Variants in RLIG1 observed in about 807,000 individuals in gnomAD.
RLIG1 encodes RNA ligase 1.
the RLIG1 span, chr12:88,048,934 G>A: frequency 3.5e-6 from 1 of 289,490 alleles, no homozygotes; most frequent in Non-Finnish European, 6.3e-6. Flanking sequence ...AAAACTTAAA[G>A]CATTATGAAT....
chr12:88,045,844 C>A, the RLIG1 span: 2 of 1,339,854 alleles, frequency 1.5e-6, no homozygotes, highest in South Asian at 2.6e-5. Flanking sequence ...CTTTCTAGGT[C>A]AACTTAAAAA....
At chr12:88,046,108 T>C in the RLIG1 span, among the ~76,000 whole-genome samples, 3 of 152,170 alleles carry the variant, frequency 2.0e-5, no homozygotes, top group Non-Finnish European at 4.4e-5. Context: ...TCATGGTTAT[T>C]ATAGCATCAA....
chr12:88,035,552 C>CTGAGCCG, the RLIG1 span: 53 of 1,305,194 alleles, frequency 4.1e-5, no homozygotes, highest in Non-Finnish European at 5.2e-5. Context: ...TGTGCGTGGC[C>CTGAGCCG]TGAGCCGTGC....
At chr12:88,046,899 G>A in the RLIG1 span, 2 of 1,612,672 alleles carry the variant, frequency 1.2e-6, no homozygotes, top group African/African-American at 1.3e-5. Flanking sequence ...CAATGATCTC[G>A]TGTCCTGGTT....
At chr12:88,039,756 A>G in the RLIG1 span, among the ~76,000 whole-genome samples, 1 of 152,112 alleles carries the variant, frequency 6.6e-6, no homozygotes, top group East Asian at 1.9e-4. Context: ...TTAAAATGCA[A>G]GTTTCACCCA....
At chr12:88,041,358 G>T in the RLIG1 span, among the ~76,000 whole-genome samples, 1 of 152,176 alleles carries the variant, frequency 6.6e-6, no homozygotes, top group African/African-American at 2.4e-5. Context: ...TTGCTGGACA[G>T]TTGGGTTGCT....
the RLIG1 span, among the ~76,000 whole-genome samples, chr12:88,038,654 ACTTTC>A: frequency 6.6e-6 from 1 of 152,202 alleles, no homozygotes; most frequent in Admixed American, 6.5e-5. Context: ...ATCGGGGTGA[ACTTTC>A]CTTTCAGGCA....
chr12:88,035,562 C>G, the RLIG1 span: 1 of 1,365,572 alleles, frequency 7.3e-7, no homozygotes. Flanking sequence ...CTGAGCCGTG[C>G]GGGTGACTGC....
At chr12:88,036,134 TAGA>T in the RLIG1 span, 1 of 1,271,040 alleles carries the variant, frequency 7.9e-7, no homozygotes. Flanking sequence ...GGGTGGATAT[TAGA>T]AGACTTGCTT....
At chr12:88,040,368 A>C in the RLIG1 span, 1 of 617,786 alleles carries the variant, frequency 1.6e-6, no homozygotes, top group Non-Finnish European at 2.7e-6. Flanking sequence ...ACACTTGGAA[A>C]CCTAAGTATA....
the RLIG1 span, chr12:88,049,035 AATTTT>A: frequency 1.0e-3 from 452 of 442,066 alleles, 1 homozygote; most frequent in African/African-American, 8.8e-3. Context: ...AATTTCATAT[AATTTT>A]ATTTATTAAG....
At chr12:88,040,048 C>T in the RLIG1 span, 1 of 717,134 alleles carries the variant, frequency 1.4e-6, no homozygotes, top group Non-Finnish European at 2.5e-6. Context: ...GGAGATCATT[C>T]CTTAAAACTA....
the RLIG1 span, chr12:88,040,043 T>C: frequency 1.4e-6 from 1 of 709,790 alleles, no homozygotes; most frequent in South Asian, 1.6e-5. Flanking sequence ...GAACTGGAGA[T>C]CATTCCTTAA....
chr12:88,046,871 T>G, the RLIG1 span: 1 of 1,613,092 alleles, frequency 6.2e-7, no homozygotes, highest in East Asian at 2.2e-5. Context: ...AAATAAGAAA[T>G]CTACCTTCAT....
At chr12:88,036,197 T>C in the RLIG1 span, 3 of 581,696 alleles carry the variant, frequency 5.2e-6, no homozygotes, top group Non-Finnish European at 8.0e-6. Context: ...CCTAATTAGG[T>C]CACTGAAGTT....
At chr12:88,049,446 A>G in the RLIG1 span, 2 of 1,065,712 alleles carry the variant, frequency 1.9e-6, no homozygotes, top group Non-Finnish European at 2.7e-6. Flanking sequence ...AAAGTTGCAT[A>G]TAGGAAATAT....
the RLIG1 span, chr12:88,048,148 C>G: frequency 8.7e-6 from 9 of 1,038,250 alleles, no homozygotes; most frequent in Admixed American, 9.6e-5. Flanking sequence ...TACCCAGTAC[C>G]TGGCAGACAG....
the RLIG1 span, chr12:88,045,333 T>A: frequency 2.8e-5 from 10 of 362,704 alleles, no homozygotes. Flanking sequence ...AAGGGTGAAT[T>A]TTCTAGTAAG....
the RLIG1 span, chr12:88,045,409 AT>A: frequency 5.1e-6 from 3 of 587,604 alleles, no homozygotes; most frequent in South Asian, 6.5e-5. Flanking sequence ...AACCCTTATG[AT>A]TTTTTAAAAA....
Sources: gnomAD v4.1 joint callset for allele counts (sites outside exome capture counted in the v4.1 genomes callset) on GRCh38, gnomAD v4.1.1 for gene constraint, MANE v1.5 for transcripts, NCBI Gene and HGNC (gene_info 2026-07-23, HGNC 2026-07-21) for gene names.